Variants in NF1 observed in about 807,000 individuals in gnomAD.
The protein encoded by NF1 is neurofibromin.
NF1 carries 122 observed loss-of-function variants against 325.7 expected under a neutral mutation model. That is an observed-to-expected ratio of 0.37 (90% CI 0.32 to 0.44). The LOEUF (loss-of-function observed/expected upper bound fraction) is 0.44. Ranked by LOEUF, NF1 falls within the 20% of genes least tolerant of loss-of-function variation. The probability of loss-of-function intolerance (pLI) is 1.00; values close to 1 mark genes in which losing one functional copy is unlikely to be tolerated. For synonymous variants in NF1, 1,091 were observed against 1,186.0 expected (o/e 0.92, Z 1.65); for missense variants, 2,140 against 3,415.4 (o/e 0.63, Z 9.31).
chr17:31,290,305 T>C (rs1041613737), intron 36 of NF1, among the ~76,000 whole-genome samples: 1 of 152,224 alleles, frequency 6.6e-6, no homozygotes, highest in Non-Finnish European at 1.5e-5. Context: ...TCCTTGTTCA[T>C]GTTTTCTTTC....
intron 36 of NF1, among the ~76,000 whole-genome samples, chr17:31,322,147 C>T (rs1318157844): frequency 1.3e-5 from 2 of 148,512 alleles, no homozygotes; most frequent in East Asian, 2.0e-4. Context: ...AACATCCTGT[C>T]ATCACCTCAA....
chr17:31,206,386 G>A lies in NF1; in HGVS notation c.1392+15G>A, dbSNP rs1367351928. The A allele has an allele frequency of 1.2e-6, 2 of 1,613,218 alleles. No individual in the cohort carries two copies. Among genetic ancestry groups the A allele is most frequent in the East Asian group, 2.2e-5 (1 of 44,856 alleles). Reference sequence around the variant, plus strand: ...GAATGGCACCGGTAAGATAAATCACGAATTTTGAATCTCACCTCCTTTCTA... The same window carrying A: ...GAATGGCACCGGTAAGATAAATCACAAATTTTGAATCTCACCTCCTTTCTA... On this transcript the variant is annotated intron_variant, in intron 12 of 57. Transcript: ENST00000358273.
chr17:31,230,164 A>T (rs2067088245), intron 22 of NF1, 96 bp from the exon 23 acceptor site: 1 of 1,469,658 alleles, frequency 6.8e-7, no homozygotes, highest in East Asian at 2.3e-5. Flanking sequence ...TTTCAAACTT[A>T]CATTTAATTC....
intron 36 of NF1, chr17:31,304,461 G>A: frequency 6.2e-7 from 1 of 1,614,168 alleles, no homozygotes; most frequent in Non-Finnish European, 8.5e-7. Flanking sequence ...GATCTCCACA[G>A]TCTTGATTGA....
chr17:31,284,317 A>G (rs935728203), intron 36 of NF1, among the ~76,000 whole-genome samples: 9 of 151,182 alleles, frequency 6.0e-5, no homozygotes, highest in Admixed American at 5.9e-4. Context: ...AAGTCTCACT[A>G]TGTCACCCAG....
chr17:31,262,114 T>TA (rs999173555), intron 35 of NF1, among the ~76,000 whole-genome samples: 1 of 152,160 alleles, frequency 6.6e-6, no homozygotes, highest in African/African-American at 2.4e-5. Flanking sequence ...ATTTAATACT[T>TA]ACCAGGGAGT....
chr17:31,374,363 A>G lies in NF1; in HGVS notation c.*208A>G. The G allele has an allele frequency of 7.8e-6, 5 of 641,934 alleles. No homozygotes were observed. The highest frequency in any genetic ancestry group is 7.6e-5 in the South Asian group (4 of 52,910). 39.8% of individuals were successfully genotyped at this position (641,934 alleles called of 1,614,324 possible). On this transcript the variant is annotated 3_prime_UTR_variant, in exon 58 of 58. Coordinates refer to ENST00000358273, the MANE Select transcript of NF1 (RefSeq NM_001042492.3). ...CCTTTTCTTTAACTTTTTTTCTTCT[A>G]CTTTTGGCGTGTATCTGGTATATGT...
At chr17:31,325,670 A>G (rs2069321466) in intron 36 of NF1, 150 bp from the exon 37 acceptor site, 2 of 694,432 alleles carry the variant, frequency 2.9e-6, no homozygotes, top group Admixed American at 5.8e-5. Flanking sequence ...CCAAAAAACA[A>G]CTGATTTAAA....
chr17:31,201,196 A>G, intron 10 of NF1, 37 bp downstream of exon 10: 1 of 1,612,922 alleles, frequency 6.2e-7, no homozygotes, highest in South Asian at 1.1e-5. Flanking sequence ...ATATTTACTG[A>G]TGCTGTTATC....
intron 1 of NF1, among the ~76,000 whole-genome samples, chr17:31,155,017 C>T (rs910186716): frequency 3.9e-5 from 6 of 151,958 alleles, no homozygotes; most frequent in Middle Eastern, 3.2e-3. Context: ...GATGAGCCAC[C>T]GTGCCCAGCC....
intron 47 of NF1, among the ~76,000 whole-genome samples, chr17:31,342,155 A>T (rs1341602759): frequency 6.6e-6 from 1 of 152,190 alleles, no homozygotes; most frequent in Non-Finnish European, 1.5e-5. Flanking sequence ...TTAGAAAGGA[A>T]CTAAGAAGTT....
intron 39 of NF1, among the ~76,000 whole-genome samples, chr17:31,334,307 A>G: frequency 6.6e-6 from 1 of 152,282 alleles, no homozygotes; most frequent in East Asian, 1.9e-4. Context: ...AAAAAAAAAA[A>G]AATGAATAAT....
chr17:31,222,366 G>T, intron 15 of NF1: 2 of 1,036,056 alleles, frequency 1.9e-6, no homozygotes, highest in Non-Finnish European at 2.3e-6. Flanking sequence ...ATGGACACCT[G>T]CTTAGAAGAA....
At chr17:31,282,730 A>G (rs1164431022) in intron 36 of NF1, among the ~76,000 whole-genome samples, 4 of 152,228 alleles carry the variant, frequency 2.6e-5, no homozygotes, top group Non-Finnish European at 5.9e-5. Context: ...TATTCATACA[A>G]TATATAAGCG....
intron 8 of NF1, among the ~76,000 whole-genome samples, chr17:31,184,286 C>T (rs886109841): frequency 7.9e-5 from 12 of 152,152 alleles, no homozygotes; most frequent in Admixed American, 3.3e-4. Flanking sequence ...TACCTTTGAC[C>T]ATATATGGAG....
chr17:31,102,490 C>G (rs912139730), intron 1 of NF1, among the ~76,000 whole-genome samples: 3 of 152,006 alleles, frequency 2.0e-5, no homozygotes, highest in African/African-American at 7.3e-5. Flanking sequence ...TGCTTGTAAT[C>G]CCAGCACTTT....
chr17:31,305,166 T>C (rs1315744633), intron 36 of NF1: 4 of 1,614,186 alleles, frequency 2.5e-6, no homozygotes, highest in Non-Finnish European at 3.4e-6. Flanking sequence ...ATGATGATTG[T>C]TGAGTAAAAG....
rs1363902545 is a variant in NF1, at chr17:31,120,087, C to A, written c.60+24718C>A. Reference sequence around the variant, plus strand: ...CTTGTTGCTTAGGATTGTCTTGGCTCTACGGGCTCTTTTTTGGTTCCCTAT... The same window carrying A: ...CTTGTTGCTTAGGATTGTCTTGGCTATACGGGCTCTTTTTTGGTTCCCTAT... On this transcript the variant is annotated intron_variant, in intron 1 of 57. Transcript: ENST00000358273. Among the ~76,000 whole-genome samples the A allele has an allele frequency of 2.6e-5, 4 of 152,146 alleles. No individual in the cohort carries two copies. The South Asian group carries it at 8.3e-4, about 32-fold the overall frequency.
rs2068700951 is a variant in NF1, at chr17:31,305,673, A to G, written c.4836-20147A>G. On this transcript the variant is annotated intron_variant, in intron 36 of 57. Transcript: ENST00000358273. ...TGAAAGAGAAAGACAGTTAGGCGTC[A>G]TTGGTGTCTAGTTAAAAATTTGACT... 6 of 1,512,320 alleles carry G rather than the reference A, an allele frequency of 4.0e-6. No individual in the cohort carries two copies. The East Asian group carries it at 1.4e-4, about 34-fold the overall frequency. The allele number at this position is 1,512,320 out of a possible 1,614,324, so 93.7% of individuals were successfully genotyped here.
Sources: gnomAD v4.1 joint callset for allele counts (sites outside exome capture counted in the v4.1 genomes callset) on GRCh38, gnomAD v4.1.1 for gene constraint, MANE v1.5 for transcripts, NCBI Gene and HGNC (gene_info 2026-07-23, HGNC 2026-07-21) for gene names.